Variants in KLHL3 observed in about 807,000 individuals in gnomAD.
KLHL3 encodes the protein kelch-like protein 3.
KLHL3 carries 19 observed loss-of-function variants against 70.5 expected under a neutral mutation model. That is an observed-to-expected ratio of 0.27 (90% CI 0.19 to 0.40). The LOEUF (loss-of-function observed/expected upper bound fraction) is 0.40, where lower values mean the gene tolerates loss of function less well. KLHL3 is among the 10% of genes least tolerant of loss of function. KLHL3 has a pLI of 1.00. For missense variants in KLHL3, 512 were observed against 771.1 expected (o/e 0.66, Z 3.98); for synonymous variants, 258 against 290.3 (o/e 0.89, Z 1.13).
chr5:137,722,074 C>A (rs1468170221), intron 1 of KLHL3, among the ~76,000 whole-genome samples: 1 of 152,224 alleles, frequency 6.6e-6, no homozygotes, highest in African/African-American at 2.4e-5. Context: ...TTCACTCCAA[C>A]TCTAGGACAA....
At chr5:137,637,462 G>A (rs1289616431) in intron 10 of KLHL3, 67 bp from the exon 11 acceptor site, 1 of 1,355,634 alleles carries the variant, frequency 7.4e-7, no homozygotes, top group Non-Finnish European at 1.1e-6. Context: ...GAGAAGCAGT[G>A]AGGATGGGGG....
At chr5:137,718,720 G>A (rs148863985) in intron 2 of KLHL3, among the ~76,000 whole-genome samples, 2 of 152,324 alleles carry the variant, frequency 1.3e-5, no homozygotes, top group East Asian at 3.9e-4. Context: ...GTCTAGGAAA[G>A]ACAAGACAAA....
At chr5:137,640,060 G>A (rs371375509) in intron 8 of KLHL3, 83 bp from the exon 9 acceptor site, 24 of 1,145,942 alleles carry the variant, frequency 2.1e-5, no homozygotes, top group African/African-American at 2.0e-4. Flanking sequence ...ATGGCTTATC[G>A]CCCAGGGTGT....
At chr5:137,705,985 T>A (rs1006639589) in intron 3 of KLHL3, 2 of 984,858 alleles carry the variant, frequency 2.0e-6, no homozygotes, top group Non-Finnish European at 2.4e-6. Context: ...ATAGGTTGAC[T>A]GCTCACCCCA....
At chr5:137,691,544 G>A (rs1329649946) in intron 5 of KLHL3, among the ~76,000 whole-genome samples, 1 of 151,920 alleles carries the variant, frequency 6.6e-6, no homozygotes, top group East Asian at 1.9e-4. Flanking sequence ...TGGCTCTGGA[G>A]CACAAGACTC....
chr5:137,660,364 G>C (rs905732667), intron 7 of KLHL3, among the ~76,000 whole-genome samples: 1 of 152,156 alleles, frequency 6.6e-6, no homozygotes, highest in Non-Finnish European at 1.5e-5. Flanking sequence ...AACCCTCCCT[G>C]TGGAAGCGAG....
intron 1 of KLHL3, among the ~76,000 whole-genome samples, chr5:137,723,562 G>C (rs1254582598): frequency 1.3e-5 from 2 of 152,128 alleles, no homozygotes; most frequent in African/African-American, 4.8e-5. Flanking sequence ...ATAAAATGTA[G>C]TTTTTGCAAA....
intron 8 of KLHL3, among the ~76,000 whole-genome samples, chr5:137,640,757 G>C (rs1198149323): frequency 6.6e-6 from 1 of 152,130 alleles, no homozygotes; most frequent in Non-Finnish European, 1.5e-5. Context: ...CTGCTCTAGA[G>C]ACAGGATCCA....
At chr5:137,634,822 G>A (rs1341138021) in intron 11 of KLHL3, among the ~76,000 whole-genome samples, 2 of 152,148 alleles carry the variant, frequency 1.3e-5, no homozygotes, top group African/African-American at 4.8e-5. Flanking sequence ...CCATTAAGCT[G>A]CTACCCAAGA....
intron 3 of KLHL3, among the ~76,000 whole-genome samples, chr5:137,704,463 C>G (rs1041090177): frequency 6.6e-6 from 1 of 152,200 alleles, no homozygotes; most frequent in African/African-American, 2.4e-5. Context: ...CACCATCTCC[C>G]AGTGCAAGGC....
At chr5:137,628,271 G>C in intron 13 of KLHL3, 26 bp downstream of exon 13, 2 of 1,613,392 alleles carry the variant, frequency 1.2e-6, no homozygotes, top group Non-Finnish European at 1.7e-6. Flanking sequence ...AACCCCCAAA[G>C]GGGAGATGGA....
intron 1 of KLHL3, among the ~76,000 whole-genome samples, chr5:137,730,172 T>G (rs955420672): frequency 6.6e-6 from 1 of 152,158 alleles, no homozygotes; most frequent in African/African-American, 2.4e-5. Context: ...ACATAACTAG[T>G]AAGTGCAGAA....
chr5:137,682,403 TAGAGAGAGAGAG>T (rs10578622), intron 5 of KLHL3, among the ~76,000 whole-genome samples: 2 of 133,374 alleles, frequency 1.5e-5, no homozygotes, highest in Non-Finnish European at 3.3e-5. Flanking sequence ...GTGCTGGACA[TAGAGAGAGAGAG>T]AGAGAGAGAG....
chr5:137,668,228 A>G lies in KLHL3; in HGVS notation c.637-6197T>C, dbSNP rs186017129. On this transcript the variant is annotated intron_variant, in intron 6 of 14. Transcript: ENST00000309755. ...AGATTGAGACCATCCTGGCCAACACAGCGAAACTCCATCTCTACTAAAAAC... is the reference window on the plus strand; with the variant it reads ...AGATTGAGACCATCCTGGCCAACACGGCGAAACTCCATCTCTACTAAAAAC... 1.9e-3 allele frequency among the ~76,000 whole-genome samples: 283 copies of G among 152,244 alleles called. 6 individuals are homozygous for G. In the Middle Eastern group the frequency reaches 0.027, roughly 15 times the overall value.
At chr5:137,678,669 T>A (rs1751947050) in intron 5 of KLHL3, among the ~76,000 whole-genome samples, 1 of 152,232 alleles carries the variant, frequency 6.6e-6, no homozygotes. Flanking sequence ...TTAAATCATT[T>A]CTTGTGAAAA....
At chr5:137,728,384 AC>A (rs1753118435) in intron 1 of KLHL3, among the ~76,000 whole-genome samples, 1 of 152,178 alleles carries the variant, frequency 6.6e-6, no homozygotes. Flanking sequence ...ATTAGGTTTA[AC>A]TACTGACCAC....
chr5:137,658,333 C>A, intron 7 of KLHL3, 53 bp from the exon 8 acceptor site: 2 of 1,571,634 alleles, frequency 1.3e-6, no homozygotes, highest in South Asian at 1.1e-5. Flanking sequence ...CCACATTTCC[C>A]AAGCTTTCAC....
At chr5:137,628,692 A>T (rs543520535) in intron 12 of KLHL3, 2,237 of 215,874 alleles carry the variant, frequency 0.01, 48 homozygotes, top group Non-Finnish European at 0.013. Context: ...AAAAAACATT[A>T]AAAAATATAT....
intron 5 of KLHL3, among the ~76,000 whole-genome samples, chr5:137,689,667 C>A (rs1056330924): frequency 2.6e-5 from 4 of 152,178 alleles, no homozygotes; most frequent in African/African-American, 9.7e-5. Flanking sequence ...ACTGGGGACT[C>A]CAAAGGGAGT....
Sources: allele counts gnomAD v4.1 joint callset (sites outside exome capture counted in the v4.1 genomes callset), GRCh38; gene constraint gnomAD v4.1.1; transcripts MANE v1.5; gene names NCBI Gene and HGNC (gene_info 2026-07-23, HGNC 2026-07-21).